The following NTM variants were observed in gnomAD, a reference collection of about 807,000 sequenced individuals.
NTM encodes the protein neurotrimin, also known as IgLON family member 2.
A neutral mutation model predicts 42.1 loss-of-function variants in NTM; 13 were observed. The ratio of observed to expected loss-of-function variants is 0.31; its 90% CI spans 0.20 to 0.49. NTM has a LOEUF of 0.49. NTM is among the 20% of genes least tolerant of loss of function. NTM has a pLI of 0.99. For synonymous variants in NTM, 187 were observed against 179.2 expected, an observed-to-expected ratio of 1.04 and a Z score of -0.35; for missense variants, 373 against 452.8, an observed-to-expected ratio of 0.82 and a Z score of 1.60.
At chr11:131,443,712 G>C (rs1298960444) in intron 1 of NTM, among the ~76,000 whole-genome samples, 1 of 152,128 alleles carries the variant, frequency 6.6e-6, no homozygotes, top group African/African-American at 2.4e-5. Flanking sequence ...CACTTCCAAG[G>C]TTATGTTATA....
At chr11:131,438,642 A>C (rs1377625806) in intron 1 of NTM, among the ~76,000 whole-genome samples, 1 of 152,150 alleles carries the variant, frequency 6.6e-6, no homozygotes, top group African/African-American at 2.4e-5. Flanking sequence ...TGGGTCATTT[A>C]AGGTCTTCTT....
intron 1 of NTM, among the ~76,000 whole-genome samples, chr11:131,406,086 G>A (rs1252242365): frequency 6.6e-6 from 1 of 152,078 alleles, no homozygotes; most frequent in Non-Finnish European, 1.5e-5. Flanking sequence ...CTTGCATATT[G>A]TTTATTTCCT....
chr11:132,220,246 G>A (rs1429830736), intron 4 of NTM, among the ~76,000 whole-genome samples: 2 of 152,274 alleles, frequency 1.3e-5, no homozygotes, highest in South Asian at 4.1e-4. Flanking sequence ...GGGGAAAAGT[G>A]TCCAGGAACT....
At chr11:132,150,633 C>G (rs1290558364) in intron 3 of NTM, among the ~76,000 whole-genome samples, 1 of 151,850 alleles carries the variant, frequency 6.6e-6, no homozygotes, top group East Asian at 2.0e-4. Flanking sequence ...TAATGGATTT[C>G]CTAGGTTAGC....
At chr11:131,433,888 G>T (rs1426939880) in intron 1 of NTM, among the ~76,000 whole-genome samples, 1 of 152,168 alleles carries the variant, frequency 6.6e-6, no homozygotes, top group Non-Finnish European at 1.5e-5. Flanking sequence ...ATGTTGGTTT[G>T]CTGCACCCAT....
chr11:132,051,380 G>A (rs2135922551), intron 2 of NTM, among the ~76,000 whole-genome samples: 1 of 152,272 alleles, frequency 6.6e-6, no homozygotes, highest in East Asian at 1.9e-4. Flanking sequence ...TCAGGGTTCA[G>A]AATGATGGAA....
chr11:131,613,382 G>A (rs754054193), intron 1 of NTM, among the ~76,000 whole-genome samples: 9 of 152,024 alleles, frequency 5.9e-5, no homozygotes, highest in Non-Finnish European at 1.3e-4. Flanking sequence ...AAGCCCCCAT[G>A]GTCCTCGGTG....
intron 1 of NTM, among the ~76,000 whole-genome samples, chr11:131,875,133 C>G (rs2048354022): frequency 6.6e-6 from 1 of 152,228 alleles, no homozygotes; most frequent in African/African-American, 2.4e-5. Context: ...TATTTCATCA[C>G]ATATAGAATG....
intron 3 of NTM, among the ~76,000 whole-genome samples, chr11:132,153,048 A>G (rs534688693): frequency 1.3e-5 from 2 of 152,188 alleles, no homozygotes; most frequent in Non-Finnish European, 2.9e-5. Flanking sequence ...GCAAGCACTT[A>G]CAGAAGTCAG....
chr11:131,821,442 G>A (rs982972757), intron 1 of NTM, among the ~76,000 whole-genome samples: 4 of 152,168 alleles, frequency 2.6e-5, no homozygotes, highest in Non-Finnish European at 4.4e-5. Context: ...TCAGCAAGTC[G>A]GTGGTCACGC....
chr11:131,690,602 G>A (rs529423007), intron 1 of NTM, among the ~76,000 whole-genome samples: 1 of 152,352 alleles, frequency 6.6e-6, no homozygotes, highest in South Asian at 2.1e-4. Context: ...TGCCTTGTAC[G>A]GAAATACAGA....
chr11:131,581,251 C>T (rs1205824994), intron 1 of NTM, among the ~76,000 whole-genome samples: 1 of 152,222 alleles, frequency 6.6e-6, no homozygotes, highest in Non-Finnish European at 1.5e-5. Flanking sequence ...CCTTCCACCT[C>T]TATTTTCCTC....
At chr11:131,488,646 G>C (rs1156277806) in intron 1 of NTM, among the ~76,000 whole-genome samples, 2 of 152,164 alleles carry the variant, frequency 1.3e-5, no homozygotes, top group African/African-American at 4.8e-5. Flanking sequence ...TTTTTGGCCA[G>C]TCCACCACAG....
At chr11:131,842,030 G>A (rs554735317) in intron 1 of NTM, among the ~76,000 whole-genome samples, 2 of 152,280 alleles carry the variant, frequency 1.3e-5, no homozygotes, top group South Asian at 2.1e-4. Context: ...CCAGAGAAAC[G>A]TATGGATCAT....
chr11:131,391,649 A>G (rs1232887582), intron 1 of NTM, among the ~76,000 whole-genome samples: 1 of 144,452 alleles, frequency 6.9e-6, no homozygotes, highest in African/African-American at 2.5e-5. Context: ...TCTGGGAAAA[A>G]AAAAAAAAAA....
At chr11:132,035,770 G>C (rs1218093196) in intron 2 of NTM, among the ~76,000 whole-genome samples, 2 of 152,152 alleles carry the variant, frequency 1.3e-5, no homozygotes, top group African/African-American at 2.4e-5. Flanking sequence ...ATTGAGGAAG[G>C]AGGATGCTGG....
intron 1 of NTM, among the ~76,000 whole-genome samples, chr11:131,828,398 A>G (rs1392537766): frequency 1.3e-5 from 2 of 151,958 alleles, no homozygotes; most frequent in Non-Finnish European, 2.9e-5. Context: ...ATCACTCATC[A>G]TCAGCATCAC....
chr11:131,841,580 G>A (rs900641300), intron 1 of NTM, among the ~76,000 whole-genome samples: 4 of 152,122 alleles, frequency 2.6e-5, no homozygotes, highest in Non-Finnish European at 5.9e-5. Flanking sequence ...CCAATGTACA[G>A]TCAAGGACGA....
chr11:131,484,482 G>T (rs529600233), intron 1 of NTM, among the ~76,000 whole-genome samples: 1 of 152,348 alleles, frequency 6.6e-6, no homozygotes, highest in African/African-American at 2.4e-5. Context: ...ACACAGCGCT[G>T]CTTCGGGCAG....
Sources: gnomAD v4.1 joint callset for allele counts (sites outside exome capture counted in the v4.1 genomes callset) on GRCh38, gnomAD v4.1.1 for gene constraint, MANE v1.5 for transcripts, NCBI Gene and HGNC (gene_info 2026-07-23, HGNC 2026-07-21) for gene names.